The following KDM2B variants were observed in gnomAD, a reference collection of about 807,000 sequenced individuals.
KDM2B encodes the protein lysine-specific demethylase 2B.
Under a neutral mutation model 150.0 loss-of-function variants are expected in KDM2B, and 26 were observed. The observed-to-expected ratio is 0.17, with a 90% CI of 0.13 to 0.24. The LOEUF (loss-of-function observed/expected upper bound fraction) is 0.24. Among genes scored for constraint, KDM2B ranks in the 10% least tolerant of loss-of-function variants. The pLI is 1.00. For missense variants in KDM2B, 1,265 were observed against 1,816.9 expected, an observed-to-expected ratio of 0.70 and a Z score of 5.52; for synonymous variants, 734 against 729.5, an observed-to-expected ratio of 1.01 and a Z score of -0.10.
chr12:121,433,288 G>A (rs1458402879), intron 22 of KDM2B: 4 of 432,616 alleles, frequency 9.2e-6, no homozygotes, highest in Admixed American at 7.7e-5. Context: ...CCACAGGCAG[G>A]CTGACAGATG....
rs540188918 is a variant in KDM2B, at chr12:121,569,786, G to A, written c.397+4761C>T. On this transcript the variant is annotated intron_variant, in intron 4 of 22. Transcript: ENST00000377071. The stretch of plus-strand genomic sequence containing the variant: ...CATTTGATCATCACAGAAATACCAA[G>A]GGAGAGGGGGCTGGATGACTGTTCC... Among the ~76,000 whole-genome samples, 158 of 152,170 alleles carry A rather than the reference G, an allele frequency of 1.0e-3. 4 individuals carry two copies. Among genetic ancestry groups the A allele is most frequent in the East Asian group, 1.9e-4 (1 of 5,184 alleles).
intron 11 of KDM2B, among the ~76,000 whole-genome samples, chr12:121,508,037 A>G (rs939042162): frequency 1.3e-5 from 2 of 152,116 alleles, no homozygotes; most frequent in Non-Finnish European, 1.5e-5. Context: ...ATAAAGTAAA[A>G]AAGACTTTCC....
rs1555292141 is a variant in KDM2B, at chr12:121,453,366, T to G, written c.1735-22A>C. 1 of 1,533,216 alleles carries G rather than the reference T, an allele frequency of 6.5e-7. No homozygotes were observed. The highest frequency in any genetic ancestry group is 8.8e-7 in the Non-Finnish European group (1 of 1,134,852). The allele number at this position is 1,533,216 out of a possible 1,614,324, so 95.0% of individuals were successfully genotyped here. A position where few individuals can be genotyped will look rare whatever the true frequency, so the allele number is the denominator to read the frequency against. ...GGTTCTGCAGGGGAACAGACACGACTGGTCAGATGGGGAGACTGCAGGCAC... is the reference window on the plus strand; with the variant it reads ...GGTTCTGCAGGGGAACAGACACGACGGGTCAGATGGGGAGACTGCAGGCAC... On this transcript the variant is annotated intron_variant, in intron 12 of 22. Coordinates refer to ENST00000377071, the MANE Select transcript of KDM2B (RefSeq NM_032590.5). The surrounding 1 kb of genome is among the most constrained non-coding windows in gnomAD (Gnocchi z 6.4).
rs947790125 is a variant in KDM2B, at chr12:121,535,959, C to T, written c.684-1369G>A. On this transcript the variant is annotated intron_variant, in intron 6 of 22. Coordinates refer to ENST00000377071, the MANE Select transcript of KDM2B (RefSeq NM_032590.5). ...GTGGCACGGATGGGCAGCCTCCCCA[C>T]CGCTCACGCCCATGCACCTTGGCAC... The T allele has an allele frequency of 6.2e-5, 46 of 746,744 alleles. No individual in the cohort carries two copies. In the African/African-American group the frequency reaches 8.2e-4, roughly 13 times the overall value. The allele number at this position is 746,744 out of a possible 1,614,324, so 46.3% of individuals were successfully genotyped here.
chr12:121,415,873 T>G, the KDM2B span, among the ~76,000 whole-genome samples: 1 of 146,568 alleles, frequency 6.8e-6, no homozygotes, highest in Admixed American at 7.0e-5. Context: ...CATGCCTGTG[T>G]ACATGTATCT....
chr12:121,486,471 G>A (rs1356212427), intron 12 of KDM2B, among the ~76,000 whole-genome samples: 7 of 148,698 alleles, frequency 4.7e-5, no homozygotes, highest in Non-Finnish European at 7.4e-5. Context: ...GAGCCACTGC[G>A]CCCGGCATTT....
intron 11 of KDM2B, among the ~76,000 whole-genome samples, chr12:121,505,201 G>A (rs1361732310): frequency 6.0e-5 from 9 of 149,944 alleles, no homozygotes; most frequent in Non-Finnish European, 1.2e-4. Context: ...CACGAGAATC[G>A]CTTGAACCCA....
At chr12:121,424,710 CAA>C (rs112812260), downstream of KDM2B, among the ~76,000 whole-genome samples, 125 of 116,452 alleles carry the variant, frequency 1.1e-3, no homozygotes, top group Non-Finnish European at 1.7e-3. Context: ...GACCTTGTCT[CAA>C]AAAAAAAAAA....
chr12:121,482,060 C>T (rs1555298000), intron 12 of KDM2B, among the ~76,000 whole-genome samples: 1 of 152,170 alleles, frequency 6.6e-6, no homozygotes. Context: ...GGATTACAGG[C>T]ATGAGCCACC....
chr12:121,549,903 T>C lies in KDM2B; in HGVS notation c.398-265A>G, dbSNP rs1315318075. ...CTAAAGGGGCCCAAGCAGCTGGGCATGGTGGCTTAAGGCTGTAATCCCAGC... is the reference window on the plus strand; with the variant it reads ...CTAAAGGGGCCCAAGCAGCTGGGCACGGTGGCTTAAGGCTGTAATCCCAGC... On this transcript the variant is annotated intron_variant, in intron 4 of 22. Transcript: ENST00000377071. This position sits in a 1 kb window ranked among gnomAD's most constrained non-coding sequence, Gnocchi z 4.4. 5.3e-5 allele frequency among the ~76,000 whole-genome samples: 8 copies of C among 152,212 alleles called. No homozygotes were observed. Among genetic ancestry groups the C allele is most frequent in the African/African-American group, 1.7e-4 (7 of 41,466 alleles).
Position 121,429,948 on chromosome 12 carries a change from A to G in KDM2B, c.*340T>C. On this transcript the variant is annotated 3_prime_UTR_variant, in exon 23 of 23. Transcript: ENST00000377071. Reference sequence around the variant, plus strand: ...GGTGTTGCAAGGAATGAAGTGTCCAAAACACCACTACCACTAACAGAAACT... The same window carrying G: ...GGTGTTGCAAGGAATGAAGTGTCCAGAACACCACTACCACTAACAGAAACT... The G allele has an allele frequency of 1.5e-6, 1 of 670,908 alleles. No homozygotes were observed. The highest frequency in any genetic ancestry group is 2.7e-5 in the East Asian group (1 of 37,294). The allele number at this position is 670,908 out of a possible 1,614,324, so 41.6% of individuals were successfully genotyped here.
rs1885724921 is a variant in KDM2B at position 121,513,014 on chromosome 12, G to A, written c.1174+262C>T. Among the ~76,000 whole-genome samples the A allele has an allele frequency of 6.6e-6, 1 of 152,224 alleles. No individual in the cohort carries two copies. The highest frequency in any genetic ancestry group is 2.1e-4 in the South Asian group (1 of 4,832). ...CCGTTTTAGCAGCCAAGCCCGGGGC[G>A]GCCCCAACCTGCATCTACACAGCCA... On this transcript the variant is annotated intron_variant, in intron 10 of 22. Transcript: ENST00000377071. This position sits in a 1 kb window ranked among gnomAD's most constrained non-coding sequence, Gnocchi z 5.0.
chr12:121,423,487 GTTACC>G, the KDM2B span: 1 of 1,614,026 alleles, frequency 6.2e-7, no homozygotes, highest in African/African-American at 1.3e-5. The surrounding 1 kb of genome is among the most constrained non-coding windows in gnomAD (Gnocchi z 4.3). Flanking sequence ...TGGGCACATG[GTTACC>G]TGCACCAAGT....
At chr12:121,450,191 G>GT (rs1555291231) in intron 13 of KDM2B, among the ~76,000 whole-genome samples, 2 of 152,064 alleles carry the variant, frequency 1.3e-5, no homozygotes, top group Middle Eastern at 3.4e-3. Context: ...GTATGTGCCT[G>GT]TAACTCCAGC....
At chr12:121,528,965 G>C (rs868913596) in intron 8 of KDM2B, among the ~76,000 whole-genome samples, 1 of 152,196 alleles carries the variant, frequency 6.6e-6, no homozygotes, top group Admixed American at 6.5e-5. Context: ...GAGGGAAAGA[G>C]AGAATCCTCT....
Position 121,487,599 on chromosome 12 carries a change from TG to T in KDM2B, c.1734+6979del, listed in dbSNP as rs1882902645. Reference sequence around the variant, plus strand: ...CACAAGCCTTTCACCAGACCCGTCGTGCCCTCAGCACTGGACATCTGACACC... The same window carrying T: ...CACAAGCCTTTCACCAGACCCGTCGTCCCTCAGCACTGGACATCTGACACC... On this transcript the variant is annotated intron_variant, in intron 12 of 22. Transcript: ENST00000377071. Among the ~76,000 whole-genome samples, 5 of 152,286 alleles carry T rather than the reference TG, an allele frequency of 3.3e-5. No individual in the cohort carries two copies. The South Asian group carries it at 8.3e-4, about 25-fold the overall frequency.
At chr12:121,483,023 C>T (rs910498080) in intron 12 of KDM2B, among the ~76,000 whole-genome samples, 7 of 151,902 alleles carry the variant, frequency 4.6e-5, no homozygotes, top group Non-Finnish European at 8.8e-5. Context: ...ATTACCTGGG[C>T]GTGGTGGGGG....
intron 22 of KDM2B, among the ~76,000 whole-genome samples, chr12:121,434,879 C>CCCAG (rs1873711894): frequency 6.6e-6 from 1 of 152,158 alleles, no homozygotes; most frequent in African/African-American, 2.4e-5. Context: ...ATCACATGAA[C>CCCAG]CCAGGAGGCG....
At chr12:121,529,032 A>C (rs1887403451) in intron 8 of KDM2B, among the ~76,000 whole-genome samples, 1 of 152,248 alleles carries the variant, frequency 6.6e-6, no homozygotes, top group Admixed American at 6.5e-5. Context: ...AAAGGACATA[A>C]CAAAAAGGAA....
Sources: gnomAD v4.1 joint callset for allele counts (sites outside exome capture counted in the v4.1 genomes callset) on GRCh38, gnomAD v4.1.1 for gene constraint, Gnocchi (gnomAD v3.1) non-coding constraint, MANE v1.5 for transcripts, NCBI Gene and HGNC (gene_info 2026-07-23, HGNC 2026-07-21) for gene names.